Variants in RAPGEF4 observed in about 807,000 individuals in gnomAD.
RAPGEF4 encodes the protein Rap guanine nucleotide exchange factor 4.
RAPGEF4 carries 66 observed loss-of-function variants against 147.9 expected under a neutral mutation model. The ratio of observed to expected loss-of-function variants is 0.45; its 90% CI spans 0.37 to 0.55. The LOEUF (loss-of-function observed/expected upper bound fraction) is 0.55, where lower values mean the gene tolerates loss of function less well. RAPGEF4 is among the 20% of genes least tolerant of loss of function. RAPGEF4 has a pLI of 0.00. For missense variants in RAPGEF4, 1,071 were observed against 1,257.3 expected, an observed-to-expected ratio of 0.85 and a Z score of 2.24; for synonymous variants, 419 against 442.7, an observed-to-expected ratio of 0.95 and a Z score of 0.67.
At chr2:173,016,257 A>C in intron 18 of RAPGEF4, 92 bp from the exon 19 acceptor site, 2 of 814,200 alleles carry the variant, frequency 2.5e-6, no homozygotes, top group Non-Finnish European at 4.2e-6. Context: ...CTGGTGAAGC[A>C]GATGACATAG....
intron 4 of RAPGEF4, among the ~76,000 whole-genome samples, chr2:172,878,568 T>G (rs1268347586): frequency 6.6e-6 from 1 of 152,170 alleles, no homozygotes; most frequent in Non-Finnish European, 1.5e-5. Context: ...AGGGACAGCA[T>G]ATTTCACTGA....
intron 1 of RAPGEF4, among the ~76,000 whole-genome samples, chr2:172,789,392 C>A (rs1165819284): frequency 6.6e-6 from 1 of 152,144 alleles, no homozygotes; most frequent in African/African-American, 2.4e-5. Context: ...TCATAGGGGG[C>A]CACTTTATGA....
chr2:172,920,624 G>C (rs1471460243), intron 5 of RAPGEF4, among the ~76,000 whole-genome samples: 1 of 152,108 alleles, frequency 6.6e-6, no homozygotes, highest in Non-Finnish European at 1.5e-5. Context: ...TAGCCCAACT[G>C]TCAAGTTCCT....
intron 29 of RAPGEF4, among the ~76,000 whole-genome samples, chr2:173,046,565 T>C (rs1480349911): frequency 6.6e-6 from 1 of 152,228 alleles, no homozygotes; most frequent in Non-Finnish European, 1.5e-5. Context: ...ACTTGTGCCC[T>C]TCAGATGCAA....
chr2:172,779,263 G>A (rs567393605), intron 1 of RAPGEF4, among the ~76,000 whole-genome samples: 1 of 152,180 alleles, frequency 6.6e-6, no homozygotes, highest in East Asian at 1.9e-4. Flanking sequence ...GTTAGAAGCT[G>A]TTACGTGCTT....
intron 23 of RAPGEF4, among the ~76,000 whole-genome samples, chr2:173,024,343 A>G (rs926299710): frequency 5.4e-5 from 8 of 146,882 alleles, no homozygotes; most frequent in Non-Finnish European, 9.1e-5. Context: ...TCAGCCTCCC[A>G]AGTAGCTGGG....
chr2:172,790,844 C>G (rs1357287357), intron 1 of RAPGEF4, among the ~76,000 whole-genome samples: 3 of 152,176 alleles, frequency 2.0e-5, no homozygotes, highest in Non-Finnish European at 2.9e-5. Flanking sequence ...CAGGTAAAAT[C>G]ACCGGGATGT....
intron 4 of RAPGEF4, among the ~76,000 whole-genome samples, chr2:172,841,852 C>CACACACACACTT (rs3064820): frequency 5.9e-5 from 9 of 151,458 alleles, no homozygotes; most frequent in Non-Finnish European, 1.0e-4. Context: ...CACACACACA[C>CACACACACACTT]GAACATAAAT....
chr2:172,747,132 T>G (rs17754423), intron 1 of RAPGEF4, among the ~76,000 whole-genome samples: 1,802 of 152,364 alleles, frequency 0.012, 22 homozygotes, highest in South Asian at 0.04. Context: ...ATGAAGGCAT[T>G]AATGTTTTCC....
rs149595092 is a variant in RAPGEF4, at chr2:172,894,561, G to T, written c.445-23241G>T. ...GTAGAAGAATTATTTTGTGAAAAAT[G>T]AAGATTTATTTTGGAAACGAGCATA... On this transcript the variant is annotated intron_variant, in intron 4 of 30. Transcript: ENST00000397081. Among the ~76,000 whole-genome samples, 181 of 152,328 alleles carry T rather than the reference G, an allele frequency of 1.2e-3. 1 individual carries two copies. The highest frequency in any genetic ancestry group is 3.4e-3 in the African/African-American group (143 of 41,590).
intron 4 of RAPGEF4, among the ~76,000 whole-genome samples, chr2:172,852,997 TA>T (rs1350714239): frequency 6.6e-6 from 1 of 152,098 alleles, no homozygotes; most frequent in African/African-American, 2.4e-5. Flanking sequence ...CTCTATTATG[TA>T]AAAAGAATGA....
intron 6 of RAPGEF4, among the ~76,000 whole-genome samples, chr2:172,954,046 C>T (rs1277648354): frequency 6.6e-6 from 1 of 152,110 alleles, no homozygotes; most frequent in African/African-American, 2.4e-5. Flanking sequence ...TTTCCTTCTC[C>T]TTGCCAGAGC....
chr2:172,750,971 C>T (rs138767387), intron 1 of RAPGEF4, among the ~76,000 whole-genome samples: 2 of 152,198 alleles, frequency 1.3e-5, no homozygotes, highest in African/African-American at 4.8e-5. Context: ...TTTTGCTGTG[C>T]AGTCATTAGT....
At position 172,958,744 on chromosome 2, in the gene RAPGEF4, C is replaced by T. The variant is rs990131095; in HGVS notation, c.538-2016C>T. Reference sequence around the variant, plus strand: ...GGGAAAAAAGTCTGCTAGATGCCAGCGAGGTGATGAAAATGTTTAAATAAG... The same window carrying T: ...GGGAAAAAAGTCTGCTAGATGCCAGTGAGGTGATGAAAATGTTTAAATAAG... On this transcript the variant is annotated intron_variant, in intron 6 of 30. Coordinates refer to ENST00000397081, the MANE Select transcript of RAPGEF4 (RefSeq NM_007023.4). 3.9e-5 allele frequency among the ~76,000 whole-genome samples: 6 copies of T among 152,262 alleles called. No individual in the cohort carries two copies. The East Asian group carries it at 9.6e-4, about 24-fold the overall frequency.
chr2:172,738,831 C>T (rs898969678), intron 1 of RAPGEF4, among the ~76,000 whole-genome samples: 1 of 151,846 alleles, frequency 6.6e-6, no homozygotes, highest in Admixed American at 6.6e-5. Flanking sequence ...AAAAGAGAAA[C>T]CCTGGGACTG....
intron 4 of RAPGEF4, among the ~76,000 whole-genome samples, chr2:172,861,514 A>G (rs1299613233): frequency 6.6e-6 from 1 of 152,202 alleles, no homozygotes; most frequent in Non-Finnish European, 1.5e-5. Context: ...CTATACCAGG[A>G]AGATGGTGTC....
intron 15 of RAPGEF4, among the ~76,000 whole-genome samples, chr2:172,991,503 G>A (rs1286192464): frequency 2.6e-5 from 4 of 152,270 alleles, no homozygotes; most frequent in Non-Finnish European, 5.9e-5. Context: ...GTCTTTTTCA[G>A]CATACCGATG....
intron 1 of RAPGEF4, among the ~76,000 whole-genome samples, chr2:172,763,546 A>C (rs1696544491): frequency 6.6e-6 from 1 of 152,240 alleles, no homozygotes; most frequent in South Asian, 2.1e-4. Context: ...AGGTGAGAGA[A>C]CATCAGAGGG....
chr2:172,763,531 G>A (rs909311586), intron 1 of RAPGEF4, among the ~76,000 whole-genome samples: 1 of 152,162 alleles, frequency 6.6e-6, no homozygotes, highest in African/African-American at 2.4e-5. Context: ...GCAATAAACA[G>A]GAGTAGGTGA....
Sources: gnomAD v4.1 joint callset for allele counts (sites outside exome capture counted in the v4.1 genomes callset) on GRCh38, gnomAD v4.1.1 for gene constraint, MANE v1.5 for transcripts, NCBI Gene and HGNC (gene_info 2026-07-23, HGNC 2026-07-21) for gene names.